KRT78: variants seen among roughly 807,000 people sequenced by gnomAD.
The protein encoded by KRT78 is keratin, type II cytoskeletal 78.
A neutral mutation model predicts 51.4 loss-of-function variants in KRT78; 55 were observed. That is an observed-to-expected ratio of 1.07 (90% CI 0.86 to 1.34). KRT78 has a LOEUF of 1.34. Ranked by LOEUF, KRT78 falls within the 40% of genes most tolerant of loss-of-function variation. The pLI, the probability that KRT78 is intolerant of heterozygous loss-of-function variation, is 0.00. For synonymous variants in KRT78, 291 were observed against 264.3 expected (o/e 1.10, Z -0.98); for missense variants, 652 against 649.4 (o/e 1.00, Z -0.04).
At chr12:52,843,002 G>T (rs1412402869) in intron 6 of KRT78, among the ~76,000 whole-genome samples, 32 of 98,574 alleles carry the variant, frequency 3.2e-4, no homozygotes, top group African/African-American at 1.3e-3. Context: ...AGGAAGGAAG[G>T]AAGGAAGGAG....
At chr12:52,844,789 G>A (rs978729890) in intron 4 of KRT78, 66 bp from the exon 5 acceptor site, 4 of 1,467,826 alleles carry the variant, frequency 2.7e-6, no homozygotes, top group Middle Eastern at 2.1e-4. Flanking sequence ...GCCTAGGATG[G>A]TTGAGCAGGA....
rs1940446948 is a variant in KRT78 at position 52,839,910 on chromosome 12, C to G, written c.1122G>C (p.Lys374Asn). Reference protein sequence around the residue: ...GELALKDAQAKVDELEAALRM... With the variant: ...GELALKDAQANVDELEAALRM... The stretch of plus-strand genomic sequence containing the variant: ...TCAGAGCAGCCTCCAGCTCGTCCAC[C>G]TTGGCCTGAGCGTCCTTGAGGGCCA... Residue 374 changes from lysine (K) to asparagine (N), a missense_variant, in exon 7 of 9, where the codon AAG becomes AAC. Lys to Asn is a moderately conservative substitution (Grantham distance 94). Transcript: ENST00000304620. 2 of 1,614,116 alleles carry G rather than the reference C, an allele frequency of 1.2e-6. No homozygotes were observed. The highest frequency in any genetic ancestry group is 2.7e-5 in the African/African-American group (2 of 75,024).
At chr12:52,845,972 T>A in intron 4 of KRT78, 1 of 525,150 alleles carries the variant, frequency 1.9e-6, no homozygotes, top group Non-Finnish European at 3.3e-6. Context: ...AAAAAGCAAT[T>A]TTTTTATCTG....
chr12:52,839,019 G>A lies in KRT78; in HGVS notation c.*94C>T, dbSNP rs1399329499. 1.6e-5 allele frequency: 23 copies of A among 1,446,064 alleles called. No homozygotes were observed. Among genetic ancestry groups the A allele is most frequent in the Non-Finnish European group, 2.1e-5 (22 of 1,067,584 alleles). The allele number at this position is 1,446,064 out of a possible 1,614,324, so 89.6% of individuals were successfully genotyped here. A position where few individuals can be genotyped will look rare whatever the true frequency, so the allele number is the denominator to read the frequency against. ...CAGCATCCGCTGTGGGCTGGCTTGGGCTGTGGGCAGCGGACACGGAGTTGG... is the reference window on the plus strand; with the variant it reads ...CAGCATCCGCTGTGGGCTGGCTTGGACTGTGGGCAGCGGACACGGAGTTGG... On this transcript the variant is annotated 3_prime_UTR_variant, in exon 9 of 9. Transcript: ENST00000304620.
chr12:52,845,247 C>A (rs943574377), intron 4 of KRT78, among the ~76,000 whole-genome samples: 3 of 152,080 alleles, frequency 2.0e-5, no homozygotes, highest in African/African-American at 7.2e-5. Flanking sequence ...CTCAGGTGAT[C>A]CACCTGCCTC....
Position 52,839,352 on chromosome 12 carries a change from C to G in KRT78, c.1324G>C (p.Val442Leu). ...VTISSVGGSAVMSGGVGGGLG... is the reference protein window; with the variant it reads ...VTISSVGGSALMSGGVGGGLG... ...CCTCCACCAACTCCTCCAGACATGA[C>G]AGCGCTGCCTCCCACCGAGGCTGCC... is the stretch of plus-strand genomic sequence containing the variant. The change falls in exon 9 of 9, where the codon GTC becomes CTC. Residue 442 changes from valine (V) to leucine (L), a missense_variant. Transcript: ENST00000304620. The G allele has an allele frequency of 1.2e-6, 2 of 1,613,836 alleles. No homozygotes were observed. Among genetic ancestry groups the G allele is most frequent in the South Asian group, 2.2e-5 (2 of 91,044 alleles).
At position 52,848,962 on chromosome 12, in the gene KRT78, G is replaced by A. The variant is rs766956811; in HGVS notation, c.-32C>T. The A allele has an allele frequency of 3.8e-5, 57 of 1,512,002 alleles. No homozygotes were observed. The highest frequency in any genetic ancestry group is 2.4e-4 in the Admixed American group (11 of 46,648). The allele number at this position is 1,512,002 out of a possible 1,614,324, so 93.7% of individuals were successfully genotyped here. On this transcript the variant is annotated 5_prime_UTR_variant, in exon 1 of 9. Transcript: ENST00000304620. ...GACAGACAGTCACGCAGCTGCAGAC[G>A]GACAGACAGATTGTCAAGGTGTGTG... is the stretch of plus-strand genomic sequence containing the variant.
chr12:52,846,332 C>T, intron 3 of KRT78, 40 bp from the exon 4 acceptor site: 2 of 1,249,520 alleles, frequency 1.6e-6, no homozygotes, highest in Non-Finnish European at 2.4e-6. Flanking sequence ...CCCCCTCTTC[C>T]TCTTTGGGGT....
At chr12:52,846,701 G>T in intron 3 of KRT78, 63 bp downstream of exon 3, 1 of 1,435,668 alleles carries the variant, frequency 7.0e-7, no homozygotes, top group Non-Finnish European at 9.8e-7. Context: ...TCCCAGCCTA[G>T]GACTAGGCTC....
intron 6 of KRT78, among the ~76,000 whole-genome samples, chr12:52,841,154 G>A (rs984410558): frequency 2.6e-5 from 4 of 152,214 alleles, no homozygotes; most frequent in African/African-American, 7.2e-5. Flanking sequence ...TGTTGTCAGA[G>A]TACATCAAAA....
Position 52,838,919 on chromosome 12 carries a change from T to C in KRT78, c.*194A>G. 1.5e-6 allele frequency: 1 copy of C among 645,436 alleles called. No individual in the cohort carries two copies. Among genetic ancestry groups the C allele is most frequent in the Non-Finnish European group, 2.6e-6 (1 of 380,912 alleles). The allele number at this position is 645,436 out of a possible 1,614,324, so 40.0% of individuals were successfully genotyped here. On this transcript the variant is annotated 3_prime_UTR_variant, in exon 9 of 9. Transcript: ENST00000304620. Reference sequence around the variant, plus strand: ...GAGGAAGCTGGGGAGCCACACAGCTTTTGTTTTGCTGGGTGAGGTGTGCAA... The same window carrying C: ...GAGGAAGCTGGGGAGCCACACAGCTCTTGTTTTGCTGGGTGAGGTGTGCAA...
intron 7 of KRT78, 47 bp downstream of exon 7, chr12:52,839,717 C>T (rs760230197): frequency 6.4e-6 from 10 of 1,562,076 alleles, no homozygotes; most frequent in South Asian, 3.3e-5. Context: ...GGCATCCCAT[C>T]CTCCTCCCCA....
intron 6 of KRT78, among the ~76,000 whole-genome samples, chr12:52,843,008 A>AGGAAGGAAGGAAGGAAGGAAGGAG (rs1555182943): frequency 7.9e-5 from 2 of 25,196 alleles, no homozygotes; most frequent in Admixed American, 5.1e-4. Flanking sequence ...GAAGGAAGGA[A>AGGAAGGAAGGAAGGAAGGAAGGAG]GGAGGGAGGG....
chr12:52,848,183 A>G, intron 1 of KRT78, 62 bp from the exon 2 acceptor site: 1 of 1,581,946 alleles, frequency 6.3e-7, no homozygotes, highest in South Asian at 1.1e-5. Context: ...AGCCTCTGGA[A>G]AGTAAAGCCT....
intron 6 of KRT78, among the ~76,000 whole-genome samples, chr12:52,842,674 T>C (rs990877883): frequency 6.6e-6 from 1 of 151,952 alleles, no homozygotes; most frequent in Non-Finnish European, 1.5e-5. Flanking sequence ...TCCCAGCACT[T>C]TGGGAGGCTG....
intron 4 of KRT78, among the ~76,000 whole-genome samples, chr12:52,845,232 C>T (rs1187649644): frequency 1.3e-5 from 2 of 152,158 alleles, no homozygotes; most frequent in African/African-American, 4.8e-5. Flanking sequence ...TCTCGAACTC[C>T]TGACCTCAGG....
At position 52,844,539 on chromosome 12, in the gene KRT78, TG is replaced by T; in HGVS notation, c.921+19del. On this transcript the variant is annotated intron_variant, in intron 5 of 8. Coordinates refer to ENST00000304620, the MANE Select transcript of KRT78 (RefSeq NM_173352.4). ...GACCTAGCCATTTCCAGCATGGTGC[TG>T]CCCCCCAGGTCCCACCACCTTGGTC... The T allele has an allele frequency of 7.5e-6, 12 of 1,607,148 alleles. No homozygotes were observed. Among genetic ancestry groups the T allele is most frequent in the Non-Finnish European group, 1.0e-5 (12 of 1,176,204 alleles).
intron 6 of KRT78, among the ~76,000 whole-genome samples, 194 bp downstream of exon 6, chr12:52,843,899 G>A (rs1364823153): frequency 3.3e-5 from 5 of 152,082 alleles, no homozygotes; most frequent in Non-Finnish European, 7.4e-5. Context: ...AGAAGTCACA[G>A]CAGGAAGGCT....
rs766755784 is a variant in KRT78 at position 52,848,213 on chromosome 12, C to T, written c.385-92G>A. 2.8e-5 allele frequency: 44 copies of T among 1,552,834 alleles called. No individual in the cohort carries two copies. The South Asian group carries it at 5.1e-4, about 18-fold the overall frequency. ...AAGCCTGAGGGACCCTCCCATCAGC[C>T]TCACCTTTCCCCTGTCCCCCTGCCC... is the stretch of plus-strand genomic sequence containing the variant. On this transcript the variant is annotated intron_variant, in intron 1 of 8. Transcript: ENST00000304620.
Sources: gnomAD v4.1 joint callset for allele counts (sites outside exome capture counted in the v4.1 genomes callset) on GRCh38, gnomAD v4.1.1 for gene constraint, MANE v1.5 for transcripts, NCBI Gene and HGNC (gene_info 2026-07-23, HGNC 2026-07-21) for gene names.